Variants in SMARCA4 observed in about 807,000 individuals in gnomAD.
SMARCA4 encodes the protein SWI/SNF-related matrix-associated actin-dependent regulator of chromatin subfamily A member 4.
Under a neutral mutation model 193.9 loss-of-function variants are expected in SMARCA4, and 31 were observed. The ratio of observed to expected loss-of-function variants is 0.16; its 90% CI spans 0.12 to 0.22. The LOEUF (loss-of-function observed/expected upper bound fraction) is 0.22. SMARCA4 is among the 10% of genes least tolerant of loss of function. The pLI, the probability that SMARCA4 is intolerant of heterozygous loss-of-function variation, is 1.00. For synonymous variants in SMARCA4, 942 were observed against 933.1 expected (o/e 1.01, Z -0.17); for missense variants, 1,148 against 2,296.0 (o/e 0.50, Z 10.22).
chr19:10,965,985 T>TTTTTTTTTC, intron 1 of SMARCA4, among the ~76,000 whole-genome samples: 1 of 141,136 alleles, frequency 7.1e-6, no homozygotes, highest in African/African-American at 2.6e-5. Context: ...TTTTTTTTTT[T>TTTTTTTTTC]TTTTTTTTTT....
Position 10,995,257 on chromosome 19 carries a change from G to C in SMARCA4, c.1593+256G>C, listed in dbSNP as rs2086920933. On this transcript the variant is annotated intron_variant, in intron 9 of 34. Coordinates refer to ENST00000344626, the MANE Select transcript of SMARCA4 (RefSeq NM_003072.5). ...CTGCCTTCTCTGGAAAATGGAGGTG[G>C]TGCCCCCTTCCCTCGTTCTGTGAGA... The C allele has an allele frequency of 4.8e-6, 3 of 631,026 alleles. No homozygotes were observed. In the East Asian group the frequency reaches 9.6e-5, roughly 20 times the overall value. The allele number at this position is 631,026 out of a possible 1,614,324, so 39.1% of individuals were successfully genotyped here. A position where few individuals can be genotyped will look rare whatever the true frequency, so the allele number is the denominator to read the frequency against.
chr19:11,037,429 A>G (rs1356406158), intron 29 of SMARCA4, among the ~76,000 whole-genome samples: 3 of 152,182 alleles, frequency 2.0e-5, no homozygotes, highest in Non-Finnish European at 4.4e-5. Context: ...GTATCTGTTC[A>G]TATGCTTCTT....
chr19:10,996,819 C>T (rs1245503700), intron 11 of SMARCA4, among the ~76,000 whole-genome samples: 1 of 152,134 alleles, frequency 6.6e-6, no homozygotes, highest in East Asian at 1.9e-4. Flanking sequence ...CAAGAACCGT[C>T]CAGAGATGTC....
chr19:11,058,679 C>A lies in SMARCA4; in HGVS notation c.4534-109C>A. The stretch of plus-strand genomic sequence containing the variant: ...CCGAGGCTGGCGCTTCGGCCACATC[C>A]TCATAGGCACGAGGAATCCTAGCCC... On this transcript the variant is annotated intron_variant, in intron 31 of 34. Coordinates refer to ENST00000344626, the MANE Select transcript of SMARCA4 (RefSeq NM_003072.5). The surrounding 1 kb of genome is among the most constrained non-coding windows in gnomAD (Gnocchi z 5.8). 2 of 951,178 alleles carry A rather than the reference C, an allele frequency of 2.1e-6. No homozygotes were observed. The highest frequency in any genetic ancestry group is 2.5e-5 in the East Asian group (1 of 39,688). The allele number at this position is 951,178 out of a possible 1,614,324, so 58.9% of individuals were successfully genotyped here.
chr19:11,007,630 G>T (rs2088360107), intron 13 of SMARCA4, among the ~76,000 whole-genome samples: 1 of 151,794 alleles, frequency 6.6e-6, no homozygotes, highest in African/African-American at 2.4e-5. Flanking sequence ...AGTTCTAGCT[G>T]CTGGGGAGGC....
Position 11,033,951 on chromosome 19 carries a change from C to CGTGCGT in SMARCA4, c.3873+102_3873+107dup, listed in dbSNP as rs1195874240. ...CAGCAAGGGCCCTGGTCCCACGGAG[C>CGTGCGT]GTGCGTGTGCGTGTGCGTGTGTGTG... On this transcript the variant is annotated intron_variant, in intron 27 of 34. Coordinates refer to ENST00000344626, the MANE Select transcript of SMARCA4 (RefSeq NM_003072.5). This position sits in a 1 kb window ranked among gnomAD's most constrained non-coding sequence, Gnocchi z 9.8. The CGTGCGT allele has an allele frequency of 9.3e-5, 69 of 745,370 alleles. 1 individual carries two copies. The highest frequency in any genetic ancestry group is 3.4e-5 in the African/African-American group (2 of 58,450). 46.2% of individuals were successfully genotyped at this position (745,370 alleles called of 1,614,324 possible).
At position 11,019,242 on chromosome 19, in the gene SMARCA4, G is replaced by A; in HGVS notation, c.2505+219G>A. 1.6e-6 allele frequency: 1 copy of A among 643,214 alleles called. No individual in the cohort carries two copies. Among genetic ancestry groups the A allele is most frequent in the Non-Finnish European group, 2.8e-6 (1 of 354,036 alleles). The allele number at this position is 643,214 out of a possible 1,614,324, so 39.8% of individuals were successfully genotyped here. On this transcript the variant is annotated intron_variant, in intron 17 of 34. Coordinates refer to ENST00000344626, the MANE Select transcript of SMARCA4 (RefSeq NM_003072.5). The surrounding 1 kb of genome is among the most constrained non-coding windows in gnomAD (Gnocchi z 6.1). ...CTCACTGGGGAGGAGACAGGAGTGA[G>A]CATGGTGGCCAGCACTCAGAGGCCA...
In SMARCA4 at chr19:10,984,135, C is replaced by T. The variant is rs1056603829; in HGVS notation, c.-17C>T. ...CTGTCTTCCAGCAGGAGGCCACTGT[C>T]TGCAGCTCCCGTGAAGATGTCCACT... On this transcript the variant is annotated 5_prime_UTR_variant, in exon 2 of 35. Coordinates refer to ENST00000344626, the MANE Select transcript of SMARCA4 (RefSeq NM_003072.5). This position sits in a 1 kb window ranked among gnomAD's most constrained non-coding sequence, Gnocchi z 4.3. The T allele has an allele frequency of 6.2e-7, 1 of 1,613,668 alleles. No homozygotes were observed. The highest frequency in any genetic ancestry group is 1.3e-5 in the African/African-American group (1 of 75,052).
chr19:11,058,922 A>G lies in SMARCA4; in HGVS notation c.4635+33A>G. 1.3e-6 allele frequency: 2 copies of G among 1,543,508 alleles called. No individual in the cohort carries two copies. The highest frequency in any genetic ancestry group is 2.2e-5 in the South Asian group (2 of 89,650). On this transcript the variant is annotated intron_variant, in intron 32 of 34. Transcript: ENST00000344626. The surrounding 1 kb of genome is among the most constrained non-coding windows in gnomAD (Gnocchi z 5.8). ...CACCGCTGGGGGTTGGGGATGGGCC[A>G]CTCCCACAGCTGGGCTTTGACCCAA...
intron 13 of SMARCA4, among the ~76,000 whole-genome samples, chr19:11,006,137 A>G (rs949593260): frequency 4.6e-5 from 7 of 152,262 alleles, no homozygotes; most frequent in Non-Finnish European, 7.3e-5. Flanking sequence ...TCATATTTTT[A>G]AAGCTTTGTA....
intron 1 of SMARCA4, among the ~76,000 whole-genome samples, chr19:10,971,981 A>G (rs1599835010): frequency 1.5e-5 from 2 of 130,714 alleles, no homozygotes; most frequent in Admixed American, 8.2e-5. Context: ...TTTGAGACGG[A>G]GTCTCGCTCT....
Position 10,985,208 on chromosome 19 carries a change from G to A in SMARCA4, c.223-65G>A, listed in dbSNP as rs977943456. On this transcript the variant is annotated intron_variant, in intron 2 of 34. Transcript: ENST00000344626. This position sits in a 1 kb window ranked among gnomAD's most constrained non-coding sequence, Gnocchi z 4.5. Reference sequence around the variant, plus strand: ...TGCCCTCGAGCTTCTCTCGGGCAGCGCATAGCTGCGCTGCCACCTCACGTT... The same window carrying A: ...TGCCCTCGAGCTTCTCTCGGGCAGCACATAGCTGCGCTGCCACCTCACGTT... The A allele has an allele frequency of 1.6e-5, 26 of 1,578,840 alleles. No homozygotes were observed. In the African/African-American group the frequency reaches 2.2e-4, roughly 13 times the overall value.
intron 10 of SMARCA4, 44 bp from the exon 11 acceptor site, chr19:10,996,450 A>G (rs2145977818): frequency 6.2e-7 from 1 of 1,613,924 alleles, no homozygotes; most frequent in African/African-American, 1.3e-5. Context: ...GTGTGGCCTC[A>G]GCCTTGTGGG....
chr19:11,060,273 C>T (rs2147131044), intron 34 of SMARCA4, 86 bp downstream of exon 34: 1 of 1,461,838 alleles, frequency 6.8e-7, no homozygotes, highest in Non-Finnish European at 9.4e-7. Flanking sequence ...TGGGGCGGTG[C>T]TCCCACGCCC....
chr19:10,968,931 G>A (rs1568393735), intron 1 of SMARCA4, among the ~76,000 whole-genome samples: 1 of 152,180 alleles, frequency 6.6e-6, no homozygotes, highest in African/African-American at 2.4e-5. Context: ...CCTCCTGGAG[G>A]CATCTCCTGG....
At position 11,042,375 on chromosome 19, in the gene SMARCA4, A is replaced by G. The variant is rs556571287; in HGVS notation, c.4424+815A>G. ...TGTGCACCTTCTGCCAGCCCAGGGC[A>G]GGTCACAGAGCTGGGCAGGAGCCAG... On this transcript the variant is annotated intron_variant, in intron 30 of 34. Transcript: ENST00000344626. Among the ~76,000 whole-genome samples the G allele has an allele frequency of 4.6e-5, 7 of 152,370 alleles. No homozygotes were observed. The East Asian group carries it at 9.6e-4, about 21-fold the overall frequency.
rs200469979 is a variant in SMARCA4, at chr19:11,039,498, T to G, written c.4171-1809T>G. On this transcript the variant is annotated intron_variant, in intron 29 of 34. Transcript: ENST00000344626. ...GATATCCATGACACAGCCAGCAGTG[T>G]GGCACGTGGGCTACAATTCCAGCGT... 9.4e-5 allele frequency: 151 copies of G among 1,602,056 alleles called. No individual in the cohort carries two copies. The highest frequency in any genetic ancestry group is 1.3e-4 in the Non-Finnish European group (148 of 1,175,890).
intron 1 of SMARCA4, among the ~76,000 whole-genome samples, chr19:10,966,665 C>T (rs952805023): frequency 2.0e-5 from 3 of 149,352 alleles, no homozygotes; most frequent in East Asian, 2.0e-4. Context: ...GCGGGCGGAT[C>T]GCCTGAGCTC....
chr19:10,996,097 A>G (rs530802733), intron 9 of SMARCA4, 116 bp from the exon 10 acceptor site: 1 of 1,003,510 alleles, frequency 1.0e-6, no homozygotes, highest in Middle Eastern at 2.1e-4. Context: ...GGCTGGTGGC[A>G]CGGCACCCGC....
Sources: allele counts gnomAD v4.1 joint callset (sites outside exome capture counted in the v4.1 genomes callset), GRCh38; gene constraint gnomAD v4.1.1; non-coding constraint Gnocchi (gnomAD v3.1); transcripts MANE v1.5; gene names NCBI Gene and HGNC (gene_info 2026-07-23, HGNC 2026-07-21).